GAB2: variants seen among roughly 807,000 people sequenced by gnomAD.
GAB2 encodes GRB2 associated binding protein 2, also known as GRB2-associated-binding protein 2.
GAB2 carries 26 observed loss-of-function variants against 65.5 expected under a neutral mutation model. The ratio of observed to expected loss-of-function variants is 0.40; its 90% confidence interval spans 0.29 to 0.55. The LOEUF is 0.55. Ranked by LOEUF, GAB2 falls within the 20% of genes least tolerant of loss-of-function variation. The pLI is 0.53. For missense variants in GAB2, 884 were observed against 875.8 expected, an observed-to-expected ratio of 1.01 and a Z score of -0.12; for synonymous variants, 321 against 329.6, an observed-to-expected ratio of 0.97 and a Z score of 0.28.
chr11:78,297,350 TG>T (rs1166366182), intron 1 of GAB2, among the ~76,000 whole-genome samples: 15 of 152,130 alleles, frequency 9.9e-5, no homozygotes, highest in Non-Finnish European at 4.4e-5. Flanking sequence ...TTTAAGTATT[TG>T]TTAATGAAGA....
At chr11:78,340,184 A>T (rs1189684514) in intron 1 of GAB2, among the ~76,000 whole-genome samples, 1 of 152,218 alleles carries the variant, frequency 6.6e-6, no homozygotes, top group African/African-American at 2.4e-5. Context: ...CTGTAGAATG[A>T]CTGCCCTAAT....
intron 1 of GAB2, among the ~76,000 whole-genome samples, chr11:78,301,978 G>T (rs746235014): frequency 1.2e-4 from 18 of 152,130 alleles, no homozygotes; most frequent in Non-Finnish European, 2.4e-4. Flanking sequence ...GGGATAACTG[G>T]CAAGCCACAT....
chr11:78,234,729 TGA>T, intron 3 of GAB2, among the ~76,000 whole-genome samples: 1 of 152,058 alleles, frequency 6.6e-6, no homozygotes, highest in African/African-American at 2.4e-5. Context: ...AACATTATCT[TGA>T]TTACCATAGT....
intron 1 of GAB2, among the ~76,000 whole-genome samples, chr11:78,345,378 C>G (rs1856164529): frequency 6.6e-6 from 1 of 152,110 alleles, no homozygotes; most frequent in Non-Finnish European, 1.5e-5. Flanking sequence ...TATATAATCA[C>G]CTGGCTTTAG....
rs1388147636 is a variant in GAB2, at chr11:78,216,111, C to T, written c.*3161G>A. On this transcript the variant is annotated 3_prime_UTR_variant, in exon 10 of 10. Transcript: ENST00000361507. ...GTCTCCCCTTCAAGCAGCTGAGCAC[C>T]AGCTGTGGATGGGACCTCAGCGCAG... 6.5e-6 allele frequency: 1 copy of T among 152,696 alleles called. No individual in the cohort carries two copies. The highest frequency in any genetic ancestry group is 2.4e-5 in the African/African-American group (1 of 41,456). The allele number at this position is 152,696 out of a possible 1,614,324, so 9.5% of individuals were successfully genotyped here. A position where few individuals can be genotyped will look rare whatever the true frequency, so the allele number is the denominator to read the frequency against.
intron 1 of GAB2, among the ~76,000 whole-genome samples, chr11:78,346,043 T>G (rs949361093): frequency 2.6e-5 from 4 of 152,194 alleles, no homozygotes; most frequent in African/African-American, 9.7e-5. Context: ...ATGAGATAAA[T>G]TTCTCACTAG....
intron 1 of GAB2, among the ~76,000 whole-genome samples, chr11:78,364,345 T>C (rs1856471015): frequency 6.6e-6 from 1 of 152,200 alleles, no homozygotes. Context: ...TAGAACCATC[T>C]TTACTCCAAT....
Position 78,417,724 on chromosome 11 carries a change from G to A in GAB2, c.-4C>T, listed in dbSNP as rs1422290749. 2.3e-6 allele frequency: 3 copies of A among 1,319,232 alleles called. No homozygotes were observed. Among genetic ancestry groups the A allele is most frequent in the African/African-American group, 1.6e-5 (1 of 64,220 alleles). The allele number at this position is 1,319,232 out of a possible 1,614,324, so 81.7% of individuals were successfully genotyped here. On this transcript the variant is annotated 5_prime_UTR_variant, in exon 1 of 10. Transcript: ENST00000361507. ...CCACGTCGCCGCCGCCGCTCATGCT[G>A]CCGGCCTGGAGCCCCCCGCCGGGTC...
intron 1 of GAB2, among the ~76,000 whole-genome samples, chr11:78,399,405 G>A (rs752219644): frequency 4.6e-5 from 7 of 152,190 alleles, no homozygotes; most frequent in Non-Finnish European, 8.8e-5. Flanking sequence ...TTACTGAGAA[G>A]TTTTTGCATT....
In GAB2 at chr11:78,221,659, G is replaced by A. The variant is rs774002523; in HGVS notation, c.1761+18C>T. ...GGGACTTGAAAGGCGTCATTCCAGC[G>A]AAGCCCGAAGGACTCACCATAGGGA... On this transcript the variant is annotated intron_variant, in intron 8 of 9. Coordinates refer to ENST00000361507, the MANE Select transcript of GAB2 (RefSeq NM_080491.3). 2.6e-5 allele frequency: 40 copies of A among 1,528,266 alleles called. No individual in the cohort carries two copies. The highest frequency in any genetic ancestry group is 1.8e-4 in the South Asian group (16 of 87,746). The allele number at this position is 1,528,266 out of a possible 1,614,324, so 94.7% of individuals were successfully genotyped here. A position where few individuals can be genotyped will look rare whatever the true frequency, so the allele number is the denominator to read the frequency against.
At chr11:78,298,855 C>T (rs903583991) in intron 1 of GAB2, among the ~76,000 whole-genome samples, 7 of 152,164 alleles carry the variant, frequency 4.6e-5, no homozygotes, top group African/African-American at 9.7e-5. Flanking sequence ...CTCTCAGTCC[C>T]GCAGGCCCTC....
intron 1 of GAB2, among the ~76,000 whole-genome samples, chr11:78,373,926 C>A (rs1190165064): frequency 6.6e-6 from 1 of 152,144 alleles, no homozygotes; most frequent in African/African-American, 2.4e-5. Flanking sequence ...ACCCGACACA[C>A]AGTTGGAATC....
intron 1 of GAB2, among the ~76,000 whole-genome samples, chr11:78,370,738 T>TGTGC (rs1253825093): frequency 6.6e-6 from 1 of 151,958 alleles, no homozygotes; most frequent in African/African-American, 2.4e-5. Flanking sequence ...TGTGTGTGTG[T>TGTGC]GTGTGTGTAA....
At chr11:78,355,902 G>A (rs763421605) in intron 1 of GAB2, among the ~76,000 whole-genome samples, 103 of 151,882 alleles carry the variant, frequency 6.8e-4, no homozygotes, top group Non-Finnish European at 1.2e-3. Context: ...GTGGTGGCTC[G>A]TGGCTCATGC....
chr11:78,275,271 C>T (rs1257793217), intron 2 of GAB2, among the ~76,000 whole-genome samples: 12 of 151,814 alleles, frequency 7.9e-5, no homozygotes, highest in African/African-American at 2.9e-4. Context: ...ATTTTTAGCC[C>T]CGGGGAGTTA....
chr11:78,228,504 GACCTTTTGC>G (rs1317853252), intron 3 of GAB2, among the ~76,000 whole-genome samples: 9 of 152,168 alleles, frequency 5.9e-5, no homozygotes, highest in Non-Finnish European at 1.3e-4. Context: ...CCAATCCCTG[GACCTTTTGC>G]CTTATAGAAG....
At chr11:78,258,376 A>G (rs655657) in intron 2 of GAB2, among the ~76,000 whole-genome samples, 1 of 152,192 alleles carries the variant, frequency 6.6e-6, no homozygotes, top group African/African-American at 2.4e-5. Context: ...TTGGATCATC[A>G]AAATTGCAAA....
At position 78,381,387 on chromosome 11, in the gene GAB2, T is replaced by C. The variant is rs181090799; in HGVS notation, c.75+36259A>G. 1.4e-4 allele frequency among the ~76,000 whole-genome samples: 21 copies of C among 152,344 alleles called. No homozygotes were observed. The East Asian group carries it at 4.1e-3, about 29-fold the overall frequency. On this transcript the variant is annotated intron_variant, in intron 1 of 9. Transcript: ENST00000361507. The stretch of plus-strand genomic sequence containing the variant: ...CTAACCTGTGGTCAAGCAGTATTTA[T>C]CTGTGTCTTGAGAGATGAGTCTCAA...
Position 78,217,804 on chromosome 11 carries a change from G to T in GAB2, c.*1468C>A, listed in dbSNP as rs118076932. 1 of 152,246 alleles carries T rather than the reference G, an allele frequency of 6.6e-6. No homozygotes were observed. Among genetic ancestry groups the T allele is most frequent in the Non-Finnish European group, 1.5e-5 (1 of 68,124 alleles). 9.4% of individuals were successfully genotyped at this position (152,246 alleles called of 1,614,324 possible). A position where few individuals can be genotyped will look rare whatever the true frequency, so the allele number is the denominator to read the frequency against. ...AGCAACAGAGGGCGGATGAGCTGAG[G>T]AAACACTGGGCCGGCACCAGGCCAG... is the stretch of plus-strand genomic sequence containing the variant. On this transcript the variant is annotated 3_prime_UTR_variant, in exon 10 of 10. Transcript: ENST00000361507.
Sources: gnomAD v4.1 joint callset for allele counts (sites outside exome capture counted in the v4.1 genomes callset) on GRCh38, gnomAD v4.1.1 for gene constraint, MANE v1.5 for transcripts, NCBI Gene and HGNC (gene_info 2026-07-23, HGNC 2026-07-21) for gene names.